The following CDH2 variants were observed in gnomAD, a reference collection of about 807,000 sequenced individuals.
CDH2 encodes the protein cadherin-2.
A neutral mutation model predicts 92.0 loss-of-function variants in CDH2; 17 were observed. The ratio of observed to expected loss-of-function variants is 0.18; its 90% CI spans 0.13 to 0.28. The LOEUF is 0.28. CDH2 is among the 10% of genes least tolerant of loss of function. The probability of loss-of-function intolerance (pLI) is 1.00; values close to 1 mark genes in which losing one functional copy is unlikely to be tolerated. For missense variants in CDH2, 862 were observed against 1,133.1 expected (o/e 0.76, Z 3.44); for synonymous variants, 419 against 415.9 (o/e 1.01, Z -0.09).
intron 1 of CDH2, among the ~76,000 whole-genome samples, chr18:28,173,078 CAGAA>C (rs1169289265): frequency 6.6e-6 from 1 of 151,980 alleles, no homozygotes; most frequent in Non-Finnish European, 1.5e-5. Context: ...TAATCTGCTC[CAGAA>C]AGATTTTAGT....
chr18:27,935,801 A>T (rs901757367), intron 6 of CDH2, among the ~76,000 whole-genome samples: 3 of 152,246 alleles, frequency 2.0e-5, no homozygotes, highest in African/African-American at 7.2e-5. Context: ...TCTGGGCTAA[A>T]GTACAATGTG....
At chr18:27,995,816 T>A (rs753570444) in intron 7 of CDH2, among the ~76,000 whole-genome samples, 1 of 151,700 alleles carries the variant, frequency 6.6e-6, no homozygotes, top group South Asian at 2.1e-4. Context: ...AAAAAAAAAA[T>A]TCCACTTGGT....
At chr18:27,946,931 C>T (rs986652487), downstream of CDH2, among the ~76,000 whole-genome samples, 1 of 151,840 alleles carries the variant, frequency 6.6e-6, no homozygotes, top group Non-Finnish European at 1.5e-5. Context: ...TCAACATGTA[C>T]ATACAAAATT....
chr18:28,046,323 A>G (rs951028847), intron 2 of CDH2, among the ~76,000 whole-genome samples: 3 of 152,190 alleles, frequency 2.0e-5, no homozygotes, highest in African/African-American at 7.2e-5. Context: ...ACTTTTAGAA[A>G]AAATCTGGAG....
intron 2 of CDH2, among the ~76,000 whole-genome samples, chr18:28,057,163 C>T (rs2014308297): frequency 6.6e-6 from 1 of 152,090 alleles, no homozygotes; most frequent in African/African-American, 2.4e-5. Flanking sequence ...AGAACTCTGA[C>T]AAGTACAAGT....
At chr18:28,002,861 G>A (rs2012808254) in intron 7 of CDH2, 136 bp downstream of exon 7, 1 of 799,502 alleles carries the variant, frequency 1.3e-6, no homozygotes, top group East Asian at 2.6e-5. Flanking sequence ...ATATACAACA[G>A]ATTACTTAAT....
intron 1 of CDH2, among the ~76,000 whole-genome samples, chr18:28,164,526 C>A (rs1038246358): frequency 6.6e-6 from 1 of 152,134 alleles, no homozygotes; most frequent in Non-Finnish European, 1.5e-5. Flanking sequence ...CCCTGTTTTC[C>A]CAGATGCTGT....
chr18:28,040,394 CCATCA>C lies in CDH2; in HGVS notation c.173-26490_173-26486del, dbSNP rs556970334. Among the ~76,000 whole-genome samples, 515 of 152,268 alleles carry C rather than the reference CCATCA, an allele frequency of 3.4e-3. 3 individuals carry two copies. Among genetic ancestry groups the C allele is most frequent in the African/African-American group, 0.012 (492 of 41,556 alleles). On this transcript the variant is annotated intron_variant, in intron 2 of 15. Transcript: ENST00000269141. ...AAACTGTATGCCAGTGGAGCGAGTT[CCATCA>C]CATCAGCAAAGTAATTAAGTCACTT...
intron 2 of CDH2, among the ~76,000 whole-genome samples, chr18:28,063,527 T>C (rs988031490): frequency 1.3e-5 from 2 of 152,216 alleles, no homozygotes; most frequent in Admixed American, 6.5e-5. Context: ...CTTCAGCCCA[T>C]CTCTGTCAGC....
chr18:28,047,120 A>G (rs2014092186), intron 2 of CDH2, among the ~76,000 whole-genome samples: 1 of 152,206 alleles, frequency 6.6e-6, no homozygotes, highest in African/African-American at 2.4e-5. Flanking sequence ...GGCTCCAGGC[A>G]GTTCACAAAC....
chr18:28,080,300 CTA>C (rs1360345638), intron 2 of CDH2, among the ~76,000 whole-genome samples: 5 of 152,192 alleles, frequency 3.3e-5, no homozygotes, highest in East Asian at 3.8e-4. Flanking sequence ...ATTCAGAAAT[CTA>C]TGTTTTCACT....
chr18:27,997,142 C>A (rs571152141), intron 7 of CDH2, among the ~76,000 whole-genome samples: 1 of 152,202 alleles, frequency 6.6e-6, no homozygotes, highest in Admixed American at 6.5e-5. Flanking sequence ...TGAAGTAGCA[C>A]GTGAAAGGCT....
At chr18:27,956,820 G>A (rs2011258479) in intron 15 of CDH2, among the ~76,000 whole-genome samples, 1 of 152,126 alleles carries the variant, frequency 6.6e-6, no homozygotes, top group African/African-American at 2.4e-5. Flanking sequence ...AAAAATTGAT[G>A]AACAGTTTAA....
chr18:28,011,814 G>T, intron 4 of CDH2, 32 bp downstream of exon 4: 3 of 1,602,870 alleles, frequency 1.9e-6, no homozygotes, highest in Non-Finnish European at 2.6e-6. Context: ...TTGTCTTGTG[G>T]TATGAAAACA....
Position 27,951,555 on chromosome 18 carries a change from G to T in CDH2, c.*598C>A, listed in dbSNP as rs201330103. The T allele has an allele frequency of 1.5e-3, 231 of 151,768 alleles. 2 individuals are homozygous for T. Among genetic ancestry groups the T allele is most frequent in the Admixed American group, 1.9e-3 (29 of 15,178 alleles). The allele number at this position is 151,768 out of a possible 1,614,324, so 9.4% of individuals were successfully genotyped here. A position where few individuals can be genotyped will look rare whatever the true frequency, so the allele number is the denominator to read the frequency against. ...CTAGTTTATGAAAAAATTCAATTTT[G>T]CTACAAATTGGTGATATGAAAACTC... On this transcript the variant is annotated 3_prime_UTR_variant, in exon 16 of 16. Coordinates refer to ENST00000269141, the MANE Select transcript of CDH2 (RefSeq NM_001792.5).
At chr18:28,056,907 G>C (rs1002436516) in intron 2 of CDH2, among the ~76,000 whole-genome samples, 1 of 152,110 alleles carries the variant, frequency 6.6e-6, no homozygotes, top group African/African-American at 2.4e-5. Context: ...TATGTTATTG[G>C]TATGTTCCAG....
chr18:28,166,359 T>G (rs561690193), intron 1 of CDH2, among the ~76,000 whole-genome samples: 3 of 151,810 alleles, frequency 2.0e-5, no homozygotes, highest in African/African-American at 7.3e-5. Context: ...AGTACACCAC[T>G]ATCTCCCTTT....
At chr18:28,098,285 C>T (rs2015169742) in intron 2 of CDH2, among the ~76,000 whole-genome samples, 1 of 151,990 alleles carries the variant, frequency 6.6e-6, no homozygotes, top group Admixed American at 6.6e-5. Context: ...AGAGGAAACT[C>T]AATTTTTGAA....
intron 4 of CDH2, among the ~76,000 whole-genome samples, chr18:28,010,624 C>A (rs2144030678): frequency 6.6e-6 from 1 of 151,538 alleles, no homozygotes; most frequent in South Asian, 2.1e-4. Context: ...ATAAGAGATC[C>A]TTATGTATTA....
Sources: gnomAD v4.1 joint callset for allele counts (sites outside exome capture counted in the v4.1 genomes callset) on GRCh38, gnomAD v4.1.1 for gene constraint, MANE v1.5 for transcripts, NCBI Gene and HGNC (gene_info 2026-07-23, HGNC 2026-07-21) for gene names.